The following AK8 variants were observed in gnomAD, a reference collection of about 807,000 sequenced individuals.
AK8 encodes the protein adenylate kinase 8.
In AK8, 44 loss-of-function variants were observed where a neutral mutation model predicts 54.6. That is an observed-to-expected ratio of 0.81 (90% CI 0.63 to 1.04). The LOEUF is 1.04. Among genes scored for constraint, AK8 ranks in the 50% least tolerant of loss-of-function variants. The pLI is 0.00. For synonymous variants in AK8, 239 were observed against 245.6 expected (o/e 0.97, Z 0.25); for missense variants, 555 against 613.6 (o/e 0.90, Z 1.01).
At chr9:132,838,163 C>CTA (rs1474428893) in intron 5 of AK8, among the ~76,000 whole-genome samples, 4 of 152,190 alleles carry the variant, frequency 2.6e-5, no homozygotes, top group African/African-American at 4.8e-5. Context: ...GGACCAGCAT[C>CTA]TAGCTCCTCC....
intron 11 of AK8, among the ~76,000 whole-genome samples, chr9:132,783,803 G>T (rs910631709): frequency 6.6e-6 from 1 of 151,956 alleles, no homozygotes; most frequent in African/African-American, 2.4e-5. Context: ...AAAAGTAAAA[G>T]CATTATGGAA....
At chr9:132,733,287 T>C (rs550383163) in intron 11 of AK8, among the ~76,000 whole-genome samples, 1 of 150,962 alleles carries the variant, frequency 6.6e-6, no homozygotes, top group Non-Finnish European at 1.5e-5. Context: ...CGCAGCGGCT[T>C]TCATCCCTGA....
intron 11 of AK8, among the ~76,000 whole-genome samples, chr9:132,776,086 A>T (rs1839204586): frequency 6.6e-6 from 1 of 152,204 alleles, no homozygotes; most frequent in Non-Finnish European, 1.5e-5. Flanking sequence ...CCTCTTACAC[A>T]AACATTGGAA....
rs1280967724 is a variant in AK8, at chr9:132,863,882, G to A, written c.220-104C>T. On this transcript the variant is annotated intron_variant, in intron 3 of 12. Coordinates refer to ENST00000298545, the MANE Select transcript of AK8 (RefSeq NM_152572.3). ...CTTCCCTCTCCTATGGGAAAAGGTT[G>A]GCCATGGGGAAGCACAATTATTTCC... 1.3e-5 allele frequency: 12 copies of A among 894,960 alleles called. No individual in the cohort carries two copies. In the East Asian group the frequency reaches 2.9e-4, roughly 22 times the overall value. The allele number at this position is 894,960 out of a possible 1,614,324, so 55.4% of individuals were successfully genotyped here.
intron 10 of AK8, among the ~76,000 whole-genome samples, chr9:132,809,622 A>G (rs2519082): frequency 0.99 from 150,212 of 152,332 alleles, 74,069 homozygotes; most frequent in Middle Eastern, 1. Flanking sequence ...CCTGGCCTCC[A>G]AAGGGCACGT....
intron 11 of AK8, among the ~76,000 whole-genome samples, chr9:132,730,660 G>C (rs1377786113): frequency 6.6e-6 from 1 of 152,018 alleles, no homozygotes; most frequent in African/African-American, 2.4e-5. Flanking sequence ...CTGGTCACTG[G>C]AATCCACTGC....
chr9:132,863,525 G>A (rs1308902341), intron 4 of AK8, 140 bp downstream of exon 4: 13 of 630,284 alleles, frequency 2.1e-5, no homozygotes, highest in Non-Finnish European at 3.4e-5. Context: ...CACCCTGCCT[G>A]TATCTCATTT....
chr9:132,869,571 G>T (rs1843727326), intron 2 of AK8, among the ~76,000 whole-genome samples: 3 of 152,228 alleles, frequency 2.0e-5, no homozygotes, highest in Admixed American at 2.0e-4. Flanking sequence ...GGTGTTTTCA[G>T]CTTCTGGGGT....
chr9:132,772,249 C>T (rs1328743004), intron 11 of AK8, among the ~76,000 whole-genome samples: 1 of 152,222 alleles, frequency 6.6e-6, no homozygotes. Flanking sequence ...TCTTCCTGAA[C>T]TACCAGACTC....
intron 10 of AK8, among the ~76,000 whole-genome samples, chr9:132,794,309 G>C (rs77505153): frequency 6.6e-6 from 1 of 152,200 alleles, no homozygotes; most frequent in Non-Finnish European, 1.5e-5. Context: ...ATAAAGAGCA[G>C]TCTCCTTTCC....
intron 2 of AK8, among the ~76,000 whole-genome samples, chr9:132,870,265 T>G (rs755079839): frequency 3.3e-5 from 5 of 152,206 alleles, no homozygotes; most frequent in Non-Finnish European, 5.9e-5. Context: ...GTGATTAATT[T>G]CATTTTCTTA....
intron 5 of AK8, among the ~76,000 whole-genome samples, chr9:132,851,064 A>G (rs1420840934): frequency 3.9e-5 from 6 of 152,240 alleles, no homozygotes; most frequent in Non-Finnish European, 4.4e-5. Flanking sequence ...TTGGGGGAAA[A>G]GACTAGAATC....
rs529986751 is a variant in AK8, at chr9:132,725,637, G to C, written c.*51C>G. On this transcript the variant is annotated 3_prime_UTR_variant, in exon 13 of 13. Coordinates refer to ENST00000298545, the MANE Select transcript of AK8 (RefSeq NM_152572.3). ...AGCTGTGCCGAGGCTGGGGGGCTGG[G>C]GGCAGGGGATTAACTCTTTCCCTGG... is the stretch of plus-strand genomic sequence containing the variant. The C allele has an allele frequency of 9.4e-6, 14 of 1,483,528 alleles. No individual in the cohort carries two copies. The East Asian group carries it at 3.1e-4, about 33-fold the overall frequency. 91.9% of individuals were successfully genotyped at this position (1,483,528 alleles called of 1,614,324 possible). A position where few individuals can be genotyped will look rare whatever the true frequency, so the allele number is the denominator to read the frequency against.
chr9:132,742,905 T>C (rs1248735102), intron 11 of AK8, among the ~76,000 whole-genome samples: 1 of 152,036 alleles, frequency 6.6e-6, no homozygotes, highest in Non-Finnish European at 1.5e-5. Context: ...CAGCAACCAA[T>C]CCAAGTTCCC....
chr9:132,831,227 A>C (rs1343143687), intron 5 of AK8, among the ~76,000 whole-genome samples: 2 of 152,134 alleles, frequency 1.3e-5, no homozygotes, highest in Non-Finnish European at 2.9e-5. Context: ...TCAGGTAAAC[A>C]TTAAAAATAT....
chr9:132,856,381 C>T (rs1045506714), intron 4 of AK8, among the ~76,000 whole-genome samples: 32 of 152,344 alleles, frequency 2.1e-4, no homozygotes, highest in African/African-American at 7.7e-4. Flanking sequence ...GCCTTGACCT[C>T]TTTAGGCCTC....
At chr9:132,825,142 G>A (rs1478294432) in intron 8 of AK8, among the ~76,000 whole-genome samples, 1 of 152,138 alleles carries the variant, frequency 6.6e-6, no homozygotes, top group African/African-American at 2.4e-5. Context: ...TACAAATGAT[G>A]CTTAATTTAC....
chr9:132,755,343 A>G (rs1590200887), intron 11 of AK8, among the ~76,000 whole-genome samples: 1 of 152,230 alleles, frequency 6.6e-6, no homozygotes, highest in Admixed American at 6.5e-5. Flanking sequence ...ACGCTGGGAG[A>G]GAGTGCTGCC....
chr9:132,814,123 C>T (rs932238541), intron 10 of AK8, among the ~76,000 whole-genome samples: 1 of 150,934 alleles, frequency 6.6e-6, no homozygotes, highest in Non-Finnish European at 1.5e-5. Context: ...ACAAAGAATA[C>T]AAAAAATTAG....
Sources: gnomAD v4.1 joint callset for allele counts (sites outside exome capture counted in the v4.1 genomes callset) on GRCh38, gnomAD v4.1.1 for gene constraint, MANE v1.5 for transcripts, NCBI Gene and HGNC (gene_info 2026-07-23, HGNC 2026-07-21) for gene names.